NT5DC3: variants seen among roughly 807,000 people sequenced by gnomAD.
NT5DC3 encodes 5'-nucleotidase domain-containing protein 3.
A neutral mutation model predicts 67.8 loss-of-function variants in NT5DC3; 42 were observed. That is an observed-to-expected ratio of 0.62 (90% CI 0.48 to 0.80). The LOEUF (loss-of-function observed/expected upper bound fraction) is 0.80. Ranked by LOEUF, NT5DC3 falls within the 30% of genes least tolerant of loss-of-function variation. The probability of loss-of-function intolerance (pLI) is 0.00; values close to 1 mark genes in which losing one functional copy is unlikely to be tolerated. For missense variants in NT5DC3, 570 were observed against 696.4 expected (o/e 0.82, Z 2.04); for synonymous variants, 237 against 255.6 (o/e 0.93, Z 0.69).
chr12:103,777,660 G>T lies in NT5DC3; in HGVS notation c.*169C>A. 2.7e-6 allele frequency: 2 copies of T among 752,496 alleles called. No individual in the cohort carries two copies. Among genetic ancestry groups the T allele is most frequent in the Non-Finnish European group, 4.2e-6 (2 of 478,996 alleles). 46.6% of individuals were successfully genotyped at this position (752,496 alleles called of 1,614,324 possible). Reference sequence around the variant, plus strand: ...GGGGGAAAGGCTGGAGGGGTGGGCTGCTAGCTCCTGTCTTAACCATTGGGA... The same window carrying T: ...GGGGGAAAGGCTGGAGGGGTGGGCTTCTAGCTCCTGTCTTAACCATTGGGA... On this transcript the variant is annotated 3_prime_UTR_variant, in exon 14 of 14. Coordinates refer to ENST00000392876, the MANE Select transcript of NT5DC3 (RefSeq NM_001031701.3).
At chr12:103,826,905 GT>G (rs1448613465) in intron 1 of NT5DC3, among the ~76,000 whole-genome samples, 1 of 152,164 alleles carries the variant, frequency 6.6e-6, no homozygotes, top group Non-Finnish European at 1.5e-5. Flanking sequence ...TAAAAAGCAT[GT>G]GATTTATGTT....
intron 2 of NT5DC3, among the ~76,000 whole-genome samples, chr12:103,809,704 C>G (rs556087607): frequency 2.6e-5 from 4 of 152,302 alleles, no homozygotes; most frequent in African/African-American, 9.6e-5. Context: ...CCCCATGATT[C>G]AATTGCCTCC....
chr12:103,813,223 C>G (rs910415157), intron 2 of NT5DC3, among the ~76,000 whole-genome samples: 1 of 152,224 alleles, frequency 6.6e-6, no homozygotes, highest in Non-Finnish European at 1.5e-5. Flanking sequence ...GGGTAGTGAA[C>G]AGATGGCATG....
downstream of NT5DC3, chr12:103,766,389 T>C: frequency 6.4e-7 from 1 of 1,564,092 alleles, no homozygotes; most frequent in Non-Finnish European, 8.7e-7. Flanking sequence ...GGCCATCAAC[T>C]GTGAATTCTC....
intron 2 of NT5DC3, among the ~76,000 whole-genome samples, chr12:103,811,857 T>C (rs1210154061): frequency 6.6e-6 from 1 of 152,086 alleles, no homozygotes; most frequent in East Asian, 1.9e-4. Context: ...CCTAAAAGTT[T>C]ATTTAAAGGA....
chr12:103,753,963 C>T, the NT5DC3 span, among the ~76,000 whole-genome samples: 10 of 152,304 alleles, frequency 6.6e-5, no homozygotes, highest in African/African-American at 2.2e-4. Flanking sequence ...GCTCTTTGAT[C>T]AGGTGCTGCT....
chr12:103,752,081 G>A, the NT5DC3 span, among the ~76,000 whole-genome samples: 1 of 152,274 alleles, frequency 6.6e-6, no homozygotes, highest in Non-Finnish European at 1.5e-5. Flanking sequence ...ACTGAGACCT[G>A]ATGGTTCCGT....
chr12:103,798,057 G>A (rs1057371266), intron 5 of NT5DC3, among the ~76,000 whole-genome samples: 3 of 152,180 alleles, frequency 2.0e-5, no homozygotes, highest in African/African-American at 7.2e-5. Flanking sequence ...ATCATTGTAA[G>A]TCAGGGGCTG....
the NT5DC3 span, chr12:103,749,263 A>C: frequency 8.2e-7 from 1 of 1,225,114 alleles, no homozygotes; most frequent in South Asian, 1.9e-5. Context: ...CTTCCTAAAC[A>C]TTTTTTCTAG....
downstream of NT5DC3, among the ~76,000 whole-genome samples, chr12:103,768,127 T>C (rs991326794): frequency 5.5e-5 from 8 of 145,094 alleles, no homozygotes; most frequent in Non-Finnish European, 1.1e-4. Context: ...CTTGGGATAC[T>C]ACAGCCCATT....
At chr12:103,819,668 T>G (rs964507287) in intron 1 of NT5DC3, 12 of 152,244 alleles carry the variant, frequency 7.9e-5, no homozygotes, top group Admixed American at 4.6e-4. Flanking sequence ...GCTTCCAGCT[T>G]TTCGTCTGCT....
the NT5DC3 span, among the ~76,000 whole-genome samples, chr12:103,756,996 A>AATATATATATATAT: frequency 1.7e-3 from 96 of 56,262 alleles, no homozygotes; most frequent in Middle Eastern, 8.1e-3. Context: ...AAGGAGGGAA[A>AATATATATATATAT]ATATATATAT....
chr12:103,777,476 A>T lies in NT5DC3; in HGVS notation c.*353T>A. 4.1e-6 allele frequency: 1 copy of T among 246,870 alleles called. No individual in the cohort carries two copies. Among genetic ancestry groups the T allele is most frequent in the Non-Finnish European group, 7.8e-6 (1 of 127,954 alleles). The allele number at this position is 246,870 out of a possible 1,614,324, so 15.3% of individuals were successfully genotyped here. ...CCCGTAAATGTTCAGGAAATGTTCC[A>T]TGGAGGAGTCAAGAACCGTTTCAAG... is the stretch of plus-strand genomic sequence containing the variant. On this transcript the variant is annotated 3_prime_UTR_variant, in exon 14 of 14. Transcript: ENST00000392876.
chr12:103,774,240 A>C lies in NT5DC3; in HGVS notation c.*3589T>G, dbSNP rs1885267711. 6.6e-6 allele frequency: 1 copy of C among 152,230 alleles called. No homozygotes were observed. The highest frequency in any genetic ancestry group is 1.5e-5 in the Non-Finnish European group (1 of 68,048). 9.4% of individuals were successfully genotyped at this position (152,230 alleles called of 1,614,324 possible). Reference sequence around the variant, plus strand: ...ATCAGTCAAACAATATTAAACAGTAATTTTTAAATGTTCAAGCTATTTTTG... The same window carrying C: ...ATCAGTCAAACAATATTAAACAGTACTTTTTAAATGTTCAAGCTATTTTTG... On this transcript the variant is annotated 3_prime_UTR_variant, in exon 14 of 14. Coordinates refer to ENST00000392876, the MANE Select transcript of NT5DC3 (RefSeq NM_001031701.3).
rs1438793620 is a variant in NT5DC3 at position 103,774,703 on chromosome 12, AAAGAG to A, written c.*3121_*3125del. 7 of 151,158 alleles carry A rather than the reference AAAGAG, an allele frequency of 4.6e-5. No homozygotes were observed. The highest frequency in any genetic ancestry group is 7.4e-5 in the Non-Finnish European group (5 of 67,732). The allele number at this position is 151,158 out of a possible 1,614,324, so 9.4% of individuals were successfully genotyped here. Reference sequence around the variant, plus strand: ...AAATCTCAAAAAAAAAAAAAAAAAAAAAGAGAAAAGAGTCATGACGAGGCCAGGCA... The same window carrying A: ...AAATCTCAAAAAAAAAAAAAAAAAAAAAAAGAGTCATGACGAGGCCAGGCA... On this transcript the variant is annotated 3_prime_UTR_variant, in exon 14 of 14. Transcript: ENST00000392876.
rs150925072 is a variant in NT5DC3, at chr12:103,782,294, G to T, written c.1330-1930C>A. 7.9e-4 allele frequency among the ~76,000 whole-genome samples: 120 copies of T among 152,242 alleles called. 1 individual carries two copies. The highest frequency in any genetic ancestry group is 2.7e-3 in the African/African-American group (111 of 41,522). On this transcript the variant is annotated intron_variant, in intron 12 of 13. Coordinates refer to ENST00000392876, the MANE Select transcript of NT5DC3 (RefSeq NM_001031701.3). ...TAGGCATGAGAATCACTTGAGCCTGGGAGGCAGAGGCTGCAGTGAGCTGAG... is the reference window on the plus strand; with the variant it reads ...TAGGCATGAGAATCACTTGAGCCTGTGAGGCAGAGGCTGCAGTGAGCTGAG...
intron 1 of NT5DC3, among the ~76,000 whole-genome samples, chr12:103,831,562 C>A (rs536746093): frequency 6.6e-6 from 1 of 152,056 alleles, no homozygotes; most frequent in African/African-American, 2.4e-5. Flanking sequence ...AGAGCAAAGA[C>A]CAAAAGAGAG....
At chr12:103,819,987 C>T (rs1887426054) in intron 1 of NT5DC3, among the ~76,000 whole-genome samples, 1 of 152,208 alleles carries the variant, frequency 6.6e-6, no homozygotes, top group Admixed American at 6.5e-5. Flanking sequence ...CTCTATGAAT[C>T]TGACTATTCT....
the NT5DC3 span, chr12:103,763,391 A>T: frequency 1.1e-6 from 1 of 881,792 alleles, no homozygotes; most frequent in Non-Finnish European, 1.8e-6. Flanking sequence ...AAAAAGGAAA[A>T]GCTCCCAGAG....
Sources: allele counts gnomAD v4.1 joint callset (sites outside exome capture counted in the v4.1 genomes callset), GRCh38; gene constraint gnomAD v4.1.1; transcripts MANE v1.5; gene names NCBI Gene and HGNC (gene_info 2026-07-23, HGNC 2026-07-21).